PRDM4: variants seen among roughly 807,000 people sequenced by gnomAD.
The protein encoded by PRDM4 is PR/SET domain 4, also known as PR domain zinc finger protein 4.
PRDM4 carries 38 observed loss-of-function variants against 62.3 expected under a neutral mutation model. That is an observed-to-expected ratio of 0.61 (90% CI 0.47 to 0.80). PRDM4 has a LOEUF of 0.80. Ranked by LOEUF, PRDM4 falls within the 30% of genes least tolerant of loss-of-function variation. PRDM4 has a pLI of 0.00. For missense variants in PRDM4, 858 were observed against 997.1 expected, an observed-to-expected ratio of 0.86 and a Z score of 1.88; for synonymous variants, 339 against 348.2, an observed-to-expected ratio of 0.97 and a Z score of 0.30.
Position 107,733,090 on chromosome 12 carries a change from G to GACC in PRDM4, c.*1117_*1119dup, listed in dbSNP as rs1424840862. The GACC allele has an allele frequency of 6.6e-6, 1 of 152,506 alleles. No homozygotes were observed. The highest frequency in any genetic ancestry group is 2.1e-4 in the South Asian group (1 of 4,820). The allele number at this position is 152,506 out of a possible 1,614,324, so 9.4% of individuals were successfully genotyped here. A position where few individuals can be genotyped will look rare whatever the true frequency, so the allele number is the denominator to read the frequency against. ...GCTGGATGTGCATGGGAGACACAAT[G>GACC]ACCAGGTGCATGGGTGACTTAACTA... On this transcript the variant is annotated 3_prime_UTR_variant, in exon 12 of 12. Transcript: ENST00000228437.
intron 6 of PRDM4, 151 bp downstream of exon 6, chr12:107,746,124 A>T: frequency 1.1e-6 from 1 of 939,918 alleles, no homozygotes; most frequent in Non-Finnish European, 1.6e-6. Flanking sequence ...TCATCAGTGG[A>T]CAAGACTAAT....
intron 11 of PRDM4, 85 bp downstream of exon 11, chr12:107,739,298 C>T: frequency 6.7e-7 from 1 of 1,481,508 alleles, no homozygotes. Context: ...GCCAGGACTC[C>T]CCAGCCCTTC....
Position 107,744,688 on chromosome 12 carries a change from C to A in PRDM4, c.1277-27G>T, listed in dbSNP as rs781075431. 2 of 1,610,714 alleles carry A rather than the reference C, an allele frequency of 1.2e-6. No individual in the cohort carries two copies. Among genetic ancestry groups the A allele is most frequent in the Non-Finnish European group, 1.7e-6 (2 of 1,177,408 alleles). ...TGTCAGTGGAAGGACACCAACTACA[C>A]AATCAATGATTTAAACAGCAAGATA... On this transcript the variant is annotated intron_variant, in intron 6 of 11. Transcript: ENST00000228437.
At chr12:107,745,161 G>A (rs889217545) in intron 6 of PRDM4, among the ~76,000 whole-genome samples, 1 of 152,128 alleles carries the variant, frequency 6.6e-6, no homozygotes, top group East Asian at 1.9e-4. Context: ...GTAATGAACA[G>A]ATAACATAGG....
intron 6 of PRDM4, among the ~76,000 whole-genome samples, chr12:107,745,379 T>C (rs547686427): frequency 2.0e-5 from 3 of 152,202 alleles, no homozygotes; most frequent in African/African-American, 4.8e-5. Flanking sequence ...CTCGGCAACA[T>C]AGTGAGATGC....
In PRDM4 at chr12:107,746,308, C is replaced by A; in HGVS notation, c.1243G>T (p.Val415Phe). 6.2e-7 allele frequency: 1 copy of A among 1,614,048 alleles called. No individual in the cohort carries two copies. Among genetic ancestry groups the A allele is most frequent in the East Asian group, 2.2e-5 (1 of 44,888 alleles). The part of the protein sequence containing the change: ...RARLSLPKQL[V>F]LRQSIVGAEV... ...GCTCCCACAATTGACTGACGGAGAA[C>A]AAGCTGCTTTGGGAGAGAAAGCCTT... is the stretch of plus-strand genomic sequence containing the variant. Residue 415 changes from valine (V) to phenylalanine (F), a missense_variant, in exon 6 of 12, where the codon GTT becomes TTT. Physicochemically the swap from Val to Phe is conservative, Grantham distance 50 (BLOSUM62 -1). Transcript: ENST00000228437.
At position 107,760,483 on chromosome 12, in the gene PRDM4, T is replaced by C. The variant is rs368664912; in HGVS notation, c.11+22A>G. ...GAGTTTCCAACGATGTCACCAGTGC[T>C]GAAGCCCACCTCCCTACTCACCTGT... is the stretch of plus-strand genomic sequence containing the variant. On this transcript the variant is annotated intron_variant, in intron 2 of 11. Coordinates refer to ENST00000228437, the MANE Select transcript of PRDM4 (RefSeq NM_012406.4). 1.2e-5 allele frequency: 20 copies of C among 1,613,280 alleles called. No individual in the cohort carries two copies. In the Admixed American group the frequency reaches 1.7e-4, roughly 13 times the overall value.
chr12:107,756,977 C>A lies in PRDM4; in HGVS notation c.12-12G>T, dbSNP rs1200786478. ...TCATTTCATTCATCCTAGAAAAGAG[C>A]ACACACAACTAGTTATGCAAAAATT... On this transcript the variant is annotated splice_polypyrimidine_tract_variant and intron_variant, in intron 2 of 11. Coordinates refer to ENST00000228437, the MANE Select transcript of PRDM4 (RefSeq NM_012406.4). 2.5e-6 allele frequency: 4 copies of A among 1,613,438 alleles called. No homozygotes were observed. The highest frequency in any genetic ancestry group is 2.5e-6 in the Non-Finnish European group (3 of 1,179,764).
intron 7 of PRDM4, 120 bp downstream of exon 7, chr12:107,744,423 G>A (rs914783005): frequency 4.9e-5 from 54 of 1,104,382 alleles, no homozygotes; most frequent in Non-Finnish European, 6.6e-5. Flanking sequence ...TGAAATAAAT[G>A]ACTGACCAGT....
Position 107,751,109 on chromosome 12 carries a change from A to G in PRDM4, c.1126+306T>C, listed in dbSNP as rs557095813. Among the ~76,000 whole-genome samples, 130 of 152,308 alleles carry G rather than the reference A, an allele frequency of 8.5e-4. 2 individuals are homozygous for G. The highest frequency in any genetic ancestry group is 3.1e-3 in the African/African-American group (129 of 41,582). ...GCAACCTCCTGCCTCTGCCTCCAGA[A>G]TAGCTGGGACTACAGGCACACACTA... On this transcript the variant is annotated intron_variant, in intron 5 of 11. Transcript: ENST00000228437.
intron 5 of PRDM4, among the ~76,000 whole-genome samples, chr12:107,749,391 GTTTGC>G (rs1890821654): frequency 8.0e-6 from 1 of 124,342 alleles, no homozygotes; most frequent in Middle Eastern, 4.7e-3. Context: ...CTTAGTTTCT[GTTTGC>G]TTTTTTTTTT....
Position 107,760,777 on chromosome 12 carries a change from G to C in PRDM4, c.-256-6C>G, listed in dbSNP as rs1465141004. 1 of 501,900 alleles carries C rather than the reference G, an allele frequency of 2.0e-6. No homozygotes were observed. The highest frequency in any genetic ancestry group is 2.0e-5 in the African/African-American group (1 of 50,074). 31.1% of individuals were successfully genotyped at this position (501,900 alleles called of 1,614,324 possible). The stretch of plus-strand genomic sequence containing the variant: ...CGGGAAGGGGGCTGCCCAACCTGGG[G>C]GAGTGGGGACAAGAGCGGTCACCAA... On this transcript the variant is annotated splice_region_variant and splice_polypyrimidine_tract_variant and intron_variant, in intron 1 of 11. Coordinates refer to ENST00000228437, the MANE Select transcript of PRDM4 (RefSeq NM_012406.4).
intron 6 of PRDM4, among the ~76,000 whole-genome samples, chr12:107,745,236 G>C (rs1448694552): frequency 2.6e-5 from 4 of 152,160 alleles, no homozygotes; most frequent in East Asian, 3.9e-4. Context: ...TATCCAAAGG[G>C]AATCTTTTCA....
intron 11 of PRDM4, among the ~76,000 whole-genome samples, chr12:107,737,333 T>C (rs996397324): frequency 7.9e-5 from 12 of 152,052 alleles, no homozygotes; most frequent in Middle Eastern, 3.2e-3. Context: ...TTACCAACGA[T>C]CTCCATAGGA....
intron 5 of PRDM4, 102 bp from the exon 6 acceptor site, chr12:107,746,526 C>A: frequency 8.5e-7 from 1 of 1,180,454 alleles, no homozygotes; most frequent in Non-Finnish European, 1.1e-6. Flanking sequence ...TGCTCTGCAC[C>A]CAGGCTGGAG....
chr12:107,742,370 A>T, intron 8 of PRDM4, 22 bp from the exon 9 acceptor site: 1 of 1,611,860 alleles, frequency 6.2e-7, no homozygotes, highest in South Asian at 1.1e-5. Flanking sequence ...CATTTAATAG[A>T]TCAAGCACAT....
intron 2 of PRDM4, 93 bp downstream of exon 2, chr12:107,760,412 A>G (rs1358268709): frequency 3.9e-6 from 6 of 1,527,360 alleles, no homozygotes; most frequent in Middle Eastern, 1.7e-4. Context: ...TAACCTTCTC[A>G]ATGGCACCAA....
Position 107,746,329 on chromosome 12 carries a change from G to C in PRDM4, c.1222C>G (p.Leu408Val). ...PDTPIESRARLSLPKQLVLRQ... is the reference protein window; with the variant it reads ...PDTPIESRARVSLPKQLVLRQ... ...AGAACAAGCTGCTTTGGGAGAGAAA[G>C]CCTTGCTCTGCTCTCTATTGGAGTG... The change falls in exon 6 of 12, where the codon CTT becomes GTT. Residue 408 changes from leucine (L) to valine (V), a missense_variant. Leu to Val is a conservative substitution (Grantham distance 32). This residue lies in a region of PRDM4 where 499 missense variants were observed against 546.7 expected (regional missense o/e 0.91). Transcript: ENST00000228437. The C allele has an allele frequency of 6.2e-7, 1 of 1,614,124 alleles. No homozygotes were observed. The highest frequency in any genetic ancestry group is 8.5e-7 in the Non-Finnish European group (1 of 1,180,002).
intron 11 of PRDM4, among the ~76,000 whole-genome samples, chr12:107,735,097 C>A (rs1890286307): frequency 6.6e-6 from 1 of 152,134 alleles, no homozygotes. Flanking sequence ...AACTCCTGGG[C>A]TCAAGTGATC....
Sources: allele counts gnomAD v4.1 joint callset (sites outside exome capture counted in the v4.1 genomes callset), GRCh38; gene constraint gnomAD v4.1.1; regional missense constraint gnomAD v4.1.1; transcripts MANE v1.5; gene names NCBI Gene and HGNC (gene_info 2026-07-23, HGNC 2026-07-21).